Variants in RBM26 observed in about 807,000 individuals in gnomAD.
The protein encoded by RBM26 is RNA-binding protein 26.
A neutral mutation model predicts 123.6 loss-of-function variants in RBM26; 30 were observed. The observed-to-expected ratio is 0.24, with a 90% CI of 0.18 to 0.33. The LOEUF (loss-of-function observed/expected upper bound fraction) is 0.33, where lower values mean the gene tolerates loss of function less well. RBM26 is among the 10% of genes least tolerant of loss of function. RBM26 has a pLI of 1.00. For synonymous variants in RBM26, 400 were observed against 404.4 expected, an observed-to-expected ratio of 0.99 and a Z score of 0.13; for missense variants, 947 against 1,203.6, an observed-to-expected ratio of 0.79 and a Z score of 3.15.
rs1044173453 is a variant in RBM26 at position 79,392,050 on chromosome 13, T to A, written c.72-13143A>T. On this transcript the variant is annotated intron_variant, in intron 1 of 21. Coordinates refer to ENST00000438737, the MANE Select transcript of RBM26 (RefSeq NM_001366735.2). The stretch of plus-strand genomic sequence containing the variant: ...TATAATTATATATTATACAATACAT[T>A]ATTATATAATTATGTATTATACAAT... Among the ~76,000 whole-genome samples the A allele has an allele frequency of 2.2e-4, 8 of 36,540 alleles. 1 individual carries two copies. Among genetic ancestry groups the A allele is most frequent in the Non-Finnish European group, 3.1e-4 (5 of 15,904 alleles). The allele number at this position is 36,540 out of a possible 152,430, so 24.0% of individuals were successfully genotyped here.
At chr13:79,367,432 A>AAAAAAAAAAAAAAAAT (rs1566476253) in intron 6 of RBM26, among the ~76,000 whole-genome samples, 1 of 42,730 alleles carries the variant, frequency 2.3e-5, no homozygotes, top group Non-Finnish European at 5.3e-5. Flanking sequence ...AAAAAAAAAA[A>AAAAAAAAAAAAAAAAT]GAAGAAGAAG....
intron 9 of RBM26, among the ~76,000 whole-genome samples, chr13:79,361,917 C>T (rs562526919): frequency 2.0e-5 from 3 of 152,216 alleles, no homozygotes; most frequent in East Asian, 1.9e-4. Context: ...ATTTTAGAAA[C>T]GCACGAGAAA....
At chr13:79,388,063 T>A (rs1216309159) in intron 1 of RBM26, among the ~76,000 whole-genome samples, 2 of 152,236 alleles carry the variant, frequency 1.3e-5, no homozygotes, top group Non-Finnish European at 2.9e-5. Context: ...AACTCACTCT[T>A]AAACTAGACT....
At chr13:79,322,599 T>C in intron 20 of RBM26, 137 bp from the exon 21 acceptor site, 2 of 511,800 alleles carry the variant, frequency 3.9e-6, no homozygotes, top group African/African-American at 2.0e-5. Context: ...GCTTTTTGAT[T>C]ATTTACTATT....
At chr13:79,332,295 C>T (rs923030381) in intron 20 of RBM26, among the ~76,000 whole-genome samples, 1 of 152,066 alleles carries the variant, frequency 6.6e-6, no homozygotes, top group Non-Finnish European at 1.5e-5. Flanking sequence ...GGTGATAGAA[C>T]ATGACAATCT....
chr13:79,356,028 T>C (rs553919606), intron 11 of RBM26, among the ~76,000 whole-genome samples: 8 of 152,266 alleles, frequency 5.3e-5, no homozygotes, highest in African/African-American at 1.9e-4. Flanking sequence ...AAGTGTGGTA[T>C]ATAAACCACT....
intron 16 of RBM26, among the ~76,000 whole-genome samples, chr13:79,343,921 G>A (rs547295092): frequency 4.5e-4 from 69 of 151,898 alleles, no homozygotes; most frequent in African/African-American, 1.6e-3. Flanking sequence ...AAAAAACACA[G>A]GACTAGAGGA....
At chr13:79,391,470 C>G (rs899452890) in intron 1 of RBM26, among the ~76,000 whole-genome samples, 1 of 152,192 alleles carries the variant, frequency 6.6e-6, no homozygotes, top group Non-Finnish European at 1.5e-5. Flanking sequence ...GTAGCTCAGG[C>G]TGGAGTGCGG....
chr13:79,348,975 G>A (rs1341354908), intron 14 of RBM26, among the ~76,000 whole-genome samples: 6 of 152,082 alleles, frequency 3.9e-5, no homozygotes, highest in Admixed American at 3.9e-4. Flanking sequence ...CTTAACTTAT[G>A]ATGGGGCTAT....
intron 21 of RBM26, 145 bp downstream of exon 21, chr13:79,322,204 T>C (rs1382970663): frequency 4.4e-6 from 2 of 453,922 alleles, no homozygotes; most frequent in East Asian, 7.2e-5. Context: ...AAATTTAAAG[T>C]TGTTTGCATT....
At chr13:79,323,006 ATGTT>A (rs1459115099) in intron 20 of RBM26, among the ~76,000 whole-genome samples, 1 of 151,382 alleles carries the variant, frequency 6.6e-6, no homozygotes, top group Non-Finnish European at 1.5e-5. Flanking sequence ...CTACCATAAA[ATGTT>A]TATTATAAAA....
downstream of RBM26, chr13:79,314,441 T>C (rs2066993507): frequency 6.6e-6 from 1 of 151,818 alleles, no homozygotes; most frequent in Admixed American, 6.6e-5. Flanking sequence ...TCAGAAAGTA[T>C]ATTCAGAAGA....
intron 1 of RBM26, among the ~76,000 whole-genome samples, chr13:79,385,257 T>G (rs536108370): frequency 6.6e-6 from 1 of 152,330 alleles, no homozygotes; most frequent in African/African-American, 2.4e-5. Flanking sequence ...CATGCTTCAC[T>G]TAATTCAAAC....
intron 6 of RBM26, among the ~76,000 whole-genome samples, chr13:79,368,003 A>G (rs2075494205): frequency 6.7e-6 from 1 of 149,722 alleles, no homozygotes; most frequent in Non-Finnish European, 1.5e-5. Context: ...AAATCCTTAA[A>G]AGTCTTCAAT....
chr13:79,330,730 T>C (rs1323553715), intron 20 of RBM26, among the ~76,000 whole-genome samples: 1 of 152,078 alleles, frequency 6.6e-6, no homozygotes, highest in African/African-American at 2.4e-5. Context: ...AATTATATAA[T>C]ATATATGACC....
chr13:79,351,762 G>A (rs577096536), intron 14 of RBM26, among the ~76,000 whole-genome samples: 72 of 152,280 alleles, frequency 4.7e-4, no homozygotes, highest in East Asian at 9.7e-4. Context: ...TTATCGATGA[G>A]CTGTGAATCA....
At chr13:79,314,997 G>A (rs536327469), downstream of RBM26, 2 of 1,297,758 alleles carry the variant, frequency 1.5e-6, no homozygotes, top group African/African-American at 1.5e-5. Context: ...CTCTCTGCTG[G>A]AAAAAGAGAA....
At chr13:79,328,863 T>C (rs1361568860) in intron 20 of RBM26, among the ~76,000 whole-genome samples, 1 of 151,724 alleles carries the variant, frequency 6.6e-6, no homozygotes, top group Non-Finnish European at 1.5e-5. Flanking sequence ...CTATTTCAGT[T>C]TGATAAACTG....
At position 79,371,103 on chromosome 13, in the gene RBM26, G is replaced by A. The variant is rs2075831704; in HGVS notation, c.476C>T (p.Pro159Leu). 1 of 1,614,094 alleles carries A rather than the reference G, an allele frequency of 6.2e-7. No individual in the cohort carries two copies. The highest frequency in any genetic ancestry group is 8.5e-7 in the Non-Finnish European group (1 of 1,180,002). The change falls in exon 5 of 22, where the codon CCT (proline) becomes CTT (leucine). Residue 159 changes from proline to leucine, a missense_variant. Around this residue, in one of 5 missense-constraint regions of RBM26, gnomAD observed 275 missense variants for 361.0 expected, o/e 0.76. Transcript: ENST00000438737. ...RSRKRDYDRNPPRRDSYRDRY... is the reference protein window; with the variant it reads ...RSRKRDYDRNLPRRDSYRDRY... ...GTCTCTGTATGAATCTCTTCGAGGA[G>A]GGTTTCGATCATAATCTCTTTTGCG...
Sources: gnomAD v4.1 joint callset for allele counts (sites outside exome capture counted in the v4.1 genomes callset) on GRCh38, gnomAD v4.1.1 for gene constraint, gnomAD v4.1.1 regional missense constraint, MANE v1.5 for transcripts, NCBI Gene and HGNC (gene_info 2026-07-23, HGNC 2026-07-21) for gene names.